THADA: variants seen among roughly 807,000 people sequenced by gnomAD.
The protein encoded by THADA is tRNA (32-2'-O)-methyltransferase regulator THADA.
Under a neutral mutation model 219.8 loss-of-function variants are expected in THADA, and 213 were observed. The ratio of observed to expected loss-of-function variants is 0.97; its 90% CI spans 0.87 to 1.09. The LOEUF (loss-of-function observed/expected upper bound fraction) is 1.09. Among genes scored for constraint, THADA ranks in the 50% least tolerant of loss-of-function variants. The pLI, the probability that THADA is intolerant of heterozygous loss-of-function variation, is 0.00. For synonymous variants in THADA, 1,018 were observed against 828.9 expected, an observed-to-expected ratio of 1.23 and a Z score of -3.92; for missense variants, 2,956 against 2,311.3, an observed-to-expected ratio of 1.28 and a Z score of -5.72.
intron 25 of THADA, chr2:43,486,604 A>C (rs1686949374): frequency 6.6e-6 from 1 of 152,206 alleles, no homozygotes; most frequent in African/African-American, 2.4e-5. Flanking sequence ...AGTAACGTTA[A>C]GATTTAGAAA....
chr2:43,583,614 T>C (rs1474130109), intron 7 of THADA, among the ~76,000 whole-genome samples: 1 of 152,244 alleles, frequency 6.6e-6, no homozygotes, highest in Non-Finnish European at 1.5e-5. Context: ...TGTATATCAA[T>C]GTTTATAGCA....
Position 43,315,687 on chromosome 2 carries a change from G to A in THADA, c.4438+4759C>T, listed in dbSNP as rs147898871. Reference sequence around the variant, plus strand: ...TTGCTATGTTGCCCAGGCTTATCTCGAACTCCTGGCCTCAGGCAATCCTCC... The same window carrying A: ...TTGCTATGTTGCCCAGGCTTATCTCAAACTCCTGGCCTCAGGCAATCCTCC... On this transcript the variant is annotated intron_variant, in intron 31 of 37. Transcript: ENST00000405975. 5.2e-3 allele frequency among the ~76,000 whole-genome samples: 798 copies of A among 152,050 alleles called. 3 individuals are homozygous for A. Among genetic ancestry groups the A allele is most frequent in the Middle Eastern group, 0.014 (4 of 294 alleles).
intron 8 of THADA, among the ~76,000 whole-genome samples, chr2:43,579,264 C>T (rs1016141623): frequency 1.3e-5 from 2 of 152,192 alleles, no homozygotes; most frequent in Admixed American, 1.3e-4. Context: ...CCTGTCCCCT[C>T]CCCTCCACCA....
intron 30 of THADA, among the ~76,000 whole-genome samples, chr2:43,326,756 A>G (rs935390762): frequency 2.0e-5 from 3 of 152,218 alleles, no homozygotes; most frequent in African/African-American, 7.2e-5. Context: ...CATAAGCTCA[A>G]GTCACACTGG....
At position 43,351,592 on chromosome 2, in the gene THADA, A is replaced by G. The variant is rs1573214462; in HGVS notation, c.4228-7355T>C. On this transcript the variant is annotated intron_variant, in intron 29 of 37. Transcript: ENST00000405975. ...TTTTAAAAAACTGTTTAATCCCATCATCATGGTTATCAATCTATACTATCC... is the reference window on the plus strand; with the variant it reads ...TTTTAAAAAACTGTTTAATCCCATCGTCATGGTTATCAATCTATACTATCC... 1.3e-5 allele frequency among the ~76,000 whole-genome samples: 2 copies of G among 152,206 alleles called. 1 individual carries two copies. The highest frequency in any genetic ancestry group is 3.8e-4 in the East Asian group (2 of 5,196).
rs1452720331 is a variant in THADA at position 43,293,023 on chromosome 2, G to C, written c.4629C>G (p.Ile1543Met). The C allele has an allele frequency of 6.2e-7, 1 of 1,614,016 alleles. No homozygotes were observed. Among genetic ancestry groups the C allele is most frequent in the Non-Finnish European group, 8.5e-7 (1 of 1,179,902 alleles). The change falls in exon 32 of 38, where the codon ATC (isoleucine) becomes ATG (methionine). Residue 1543 changes from isoleucine to methionine, a missense_variant. Coordinates refer to ENST00000405975, the MANE Select transcript of THADA (RefSeq NM_022065.5). ...KSGERETNVP[I>M]SFSQLLESAF... ...CAGATTCTAACAGCTGAGAGAAAGA[G>C]ATGGGGACATTCGTCTCCCGCTCTC...
At position 43,232,855 on chromosome 2, in the gene THADA, G is replaced by A. The variant is rs1232648132; in HGVS notation, c.5324C>T (p.Ser1775Phe). 1 of 1,611,516 alleles carries A rather than the reference G, an allele frequency of 6.2e-7. No homozygotes were observed. The highest frequency in any genetic ancestry group is 2.2e-5 in the East Asian group (1 of 44,856). ...TEFAFCQVDA[S>F]IALALALAVL... ...GGCCAGGGCCAGGGCCAGAGCGATGGAGGCATCCACCTGGCAGAAGGCAAA... is the reference window on the plus strand; with the variant it reads ...GGCCAGGGCCAGGGCCAGAGCGATGAAGGCATCCACCTGGCAGAAGGCAAA... The change falls in exon 37 of 38, where the codon TCC (serine) becomes TTC (phenylalanine). Residue 1775 changes from serine (S) to phenylalanine (F), a missense_variant. By Grantham distance (155) the Ser-to-Phe change is radical. Transcript: ENST00000405975.
At chr2:43,304,673 A>T (rs79981603) in intron 31 of THADA, among the ~76,000 whole-genome samples, 203 of 140,392 alleles carry the variant, frequency 1.4e-3, no homozygotes, top group African/African-American at 4.8e-3. Flanking sequence ...AGCAGACTTC[A>T]TTTTTTTTTT....
intron 26 of THADA, among the ~76,000 whole-genome samples, chr2:43,484,082 A>ATTTATTTAATTTTATTT (rs1686585417): frequency 1.3e-5 from 2 of 152,058 alleles, no homozygotes; most frequent in African/African-American, 4.8e-5. Context: ...ATTTATTTAA[A>ATTTATTTAATTTTATTT]AAATACTCAG....
At chr2:43,399,611 G>A (rs1443473311) in intron 28 of THADA, among the ~76,000 whole-genome samples, 1 of 152,152 alleles carries the variant, frequency 6.6e-6, no homozygotes, top group Middle Eastern at 3.2e-3. Flanking sequence ...CGTCTATTGG[G>A]TAGGTCCAGC....
chr2:43,536,450 T>C (rs1281913511), intron 21 of THADA, among the ~76,000 whole-genome samples: 1 of 152,100 alleles, frequency 6.6e-6, no homozygotes, highest in Admixed American at 6.5e-5. Context: ...AAGATCAAAG[T>C]GAAAGAAAAA....
At position 43,248,148 on chromosome 2, in the gene THADA, TATATATATATATATATAGAGAG is replaced by T. The variant is rs1203563420; in HGVS notation, c.5297-15288_5297-15267del. Among the ~76,000 whole-genome samples the T allele has an allele frequency of 1.4e-3, 125 of 92,176 alleles. 2 individuals are homozygous for T. The highest frequency in any genetic ancestry group is 4.4e-3 in the African/African-American group (113 of 25,916). 60.5% of individuals were successfully genotyped at this position (92,176 alleles called of 152,430 possible). ...ATACAGAAATATATATATATATATATATATATATATATATATAGAGAGAGAGAGAGAGAGAGAGAGAGAGAGA... is the reference window on the plus strand; with the variant it reads ...ATACAGAAATATATATATATATATATAGAGAGAGAGAGAGAGAGAGAGAGA... On this transcript the variant is annotated intron_variant, in intron 36 of 37. Coordinates refer to ENST00000405975, the MANE Select transcript of THADA (RefSeq NM_022065.5).
chr2:43,489,889 A>AAAAAAAAAAAAAAAAAAAAAAAAC, intron 25 of THADA, among the ~76,000 whole-genome samples: 1 of 151,556 alleles, frequency 6.6e-6, no homozygotes, highest in African/African-American at 2.4e-5. Flanking sequence ...AAAAAAAAAA[A>AAAAAAAAAAAAAAAAAAAAAAAAC]AAAAAGCTAG....
chr2:43,477,413 A>G (rs1685678324), intron 26 of THADA, among the ~76,000 whole-genome samples: 1 of 152,232 alleles, frequency 6.6e-6, no homozygotes, highest in African/African-American at 2.4e-5. Flanking sequence ...TAGTCAGTGA[A>G]TAACAGAAAA....
At chr2:43,367,607 G>A (rs992713085) in intron 29 of THADA, among the ~76,000 whole-genome samples, 3 of 152,104 alleles carry the variant, frequency 2.0e-5, no homozygotes, top group Admixed American at 2.0e-4. Context: ...CTAGCAACAG[G>A]TGCTGATTTG....
In THADA at chr2:43,398,839, T is replaced by C. The variant is rs553949244; in HGVS notation, c.4059-700A>G. Among the ~76,000 whole-genome samples, 103 of 152,274 alleles carry C rather than the reference T, an allele frequency of 6.8e-4. 1 individual carries two copies. Among genetic ancestry groups the C allele is most frequent in the Middle Eastern group, 3.4e-3 (1 of 294 alleles). Reference sequence around the variant, plus strand: ...ATACTGGGGAGTGCTACGAATAGCATAGTACATGGTCTGAACTTACTGTTA... The same window carrying C: ...ATACTGGGGAGTGCTACGAATAGCACAGTACATGGTCTGAACTTACTGTTA... On this transcript the variant is annotated intron_variant, in intron 28 of 37. Transcript: ENST00000405975.
chr2:43,340,772 TC>T (rs1240644574), intron 30 of THADA, among the ~76,000 whole-genome samples: 1 of 152,198 alleles, frequency 6.6e-6, no homozygotes, highest in East Asian at 1.9e-4. Flanking sequence ...TTTGGAATAC[TC>T]TGCACTGTAA....
At chr2:43,318,730 A>G (rs1046268655) in intron 31 of THADA, among the ~76,000 whole-genome samples, 8 of 152,224 alleles carry the variant, frequency 5.3e-5, no homozygotes, top group Admixed American at 3.3e-4. Flanking sequence ...TTAAGTTATT[A>G]AACACAGCTT....
At chr2:43,323,091 T>C (rs1308138853) in intron 30 of THADA, among the ~76,000 whole-genome samples, 1 of 152,180 alleles carries the variant, frequency 6.6e-6, no homozygotes, top group Non-Finnish European at 1.5e-5. Flanking sequence ...ATGTTTTGGA[T>C]ACCATTCTAT....
Sources: gnomAD v4.1 joint callset for allele counts (sites outside exome capture counted in the v4.1 genomes callset) on GRCh38, gnomAD v4.1.1 for gene constraint, MANE v1.5 for transcripts, NCBI Gene and HGNC (gene_info 2026-07-23, HGNC 2026-07-21) for gene names.